Variants in NGEF observed in about 807,000 individuals in gnomAD.
NGEF encodes the protein neuronal guanine nucleotide exchange factor.
In NGEF, 31 loss-of-function variants were observed where a neutral mutation model predicts 80.9. The ratio of observed to expected loss-of-function variants is 0.38; its 90% CI spans 0.29 to 0.52. NGEF has a LOEUF of 0.52. Ranked by LOEUF, NGEF falls within the 20% of genes least tolerant of loss-of-function variation. NGEF has a pLI of 0.84. For missense variants in NGEF, 709 were observed against 926.2 expected (o/e 0.77, Z 3.04); for synonymous variants, 371 against 370.2 (o/e 1.00, Z -0.03).
At chr2:232,912,094 G>GA (rs1692700839) in intron 5 of NGEF, among the ~76,000 whole-genome samples, 1 of 152,178 alleles carries the variant, frequency 6.6e-6, no homozygotes, top group Non-Finnish European at 1.5e-5. Context: ...AATCTTAGGG[G>GA]AAAAGCATTC....
intron 1 of NGEF, among the ~76,000 whole-genome samples, chr2:233,004,094 C>A (rs56333833): frequency 6.6e-6 from 1 of 152,148 alleles, no homozygotes; most frequent in African/African-American, 2.4e-5. Context: ...TGATCTCTGT[C>A]ACGATCATGT....
intron 3 of NGEF, among the ~76,000 whole-genome samples, chr2:232,938,219 G>A (rs896543294): frequency 1.3e-5 from 2 of 152,146 alleles, no homozygotes; most frequent in Non-Finnish European, 2.9e-5. Flanking sequence ...GGCATAAGAG[G>A]CAGCCTGGAG....
chr2:232,964,521 C>A (rs1365916105), intron 3 of NGEF, among the ~76,000 whole-genome samples: 1 of 152,138 alleles, frequency 6.6e-6, no homozygotes, highest in Non-Finnish European at 1.5e-5. Flanking sequence ...GGTGAAACAC[C>A]TGTCTCTACT....
At chr2:233,002,995 GCA>G (rs1299018072) in intron 1 of NGEF, among the ~76,000 whole-genome samples, 4 of 152,198 alleles carry the variant, frequency 2.6e-5, no homozygotes, top group Non-Finnish European at 5.9e-5. Context: ...GAAAGGGGGT[GCA>G]GAGTGTGTGT....
In NGEF at chr2:232,881,198, C is replaced by T; in HGVS notation, c.1890G>A (p.Glu630=). ...VHPYVAQQPD[E]LTLELADILN... Reference sequence around the variant, plus strand: ...GGATGTCGGCGAGCTCCAGCGTCAGCTCGTCTGGCTGCTGAGCCACGTATG... The same window carrying T: ...GGATGTCGGCGAGCTCCAGCGTCAGTTCGTCTGGCTGCTGAGCCACGTATG... The change falls in exon 14 of 15, where the codon GAG becomes GAA. Residue 630 remains glutamate, a synonymous_variant. Transcript: ENST00000264051. 1 of 1,611,672 alleles carries T rather than the reference C, an allele frequency of 6.2e-7. No individual in the cohort carries two copies. Among genetic ancestry groups the T allele is most frequent in the South Asian group, 1.1e-5 (1 of 91,084 alleles).
At chr2:232,975,993 G>A (rs1694284410) in intron 1 of NGEF, among the ~76,000 whole-genome samples, 2 of 152,158 alleles carry the variant, frequency 1.3e-5, no homozygotes, top group African/African-American at 2.4e-5. Context: ...CTGAGGCCAG[G>A]AGTTCAAGAT....
chr2:232,931,773 G>C (rs1227866759), intron 3 of NGEF, among the ~76,000 whole-genome samples: 1 of 152,214 alleles, frequency 6.6e-6, no homozygotes, highest in African/African-American at 2.4e-5. Flanking sequence ...GATCCTGCAG[G>C]ACTGGACATA....
chr2:232,899,187 ATG>A (rs1390504476), intron 5 of NGEF, among the ~76,000 whole-genome samples: 3 of 151,404 alleles, frequency 2.0e-5, no homozygotes, highest in African/African-American at 4.9e-5. Flanking sequence ...GTGAGTGTGA[ATG>A]TGTGTGAATG....
At chr2:232,954,124 G>T (rs1208851312) in intron 3 of NGEF, among the ~76,000 whole-genome samples, 1 of 152,160 alleles carries the variant, frequency 6.6e-6, no homozygotes, top group Non-Finnish European at 1.5e-5. Flanking sequence ...GCAGTTCAGG[G>T]TGTGCACTGT....
chr2:233,000,442 C>A (rs1164566823), intron 1 of NGEF, among the ~76,000 whole-genome samples: 1 of 152,032 alleles, frequency 6.6e-6, no homozygotes, highest in African/African-American at 2.4e-5. Flanking sequence ...GGGGCCCCAC[C>A]CTCATGGCCT....
chr2:232,992,575 GAAGAA>G, intron 1 of NGEF, among the ~76,000 whole-genome samples: 1 of 151,918 alleles, frequency 6.6e-6, no homozygotes, highest in South Asian at 2.1e-4. Flanking sequence ...AAAAAAAGAA[GAAGAA>G]AAGAAAATTC....
At chr2:232,954,473 C>G (rs1693754274) in intron 3 of NGEF, among the ~76,000 whole-genome samples, 1 of 152,124 alleles carries the variant, frequency 6.6e-6, no homozygotes, top group Non-Finnish European at 1.5e-5. Flanking sequence ...CACCTGTAAT[C>G]CCAGCATTTT....
chr2:232,883,612 G>C (rs1419194665), intron 11 of NGEF, 146 bp from the exon 12 acceptor site: 2 of 886,436 alleles, frequency 2.3e-6, no homozygotes, highest in African/African-American at 3.4e-5. Context: ...CTGAACGCCT[G>C]TCTCCCGCAC....
At chr2:232,952,286 G>A (rs1256333255) in intron 3 of NGEF, among the ~76,000 whole-genome samples, 4 of 152,252 alleles carry the variant, frequency 2.6e-5, no homozygotes, top group Non-Finnish European at 5.9e-5. Flanking sequence ...AGGAAATTCA[G>A]ACTCCAACAG....
chr2:232,882,641 C>T (rs1691541845), intron 12 of NGEF, among the ~76,000 whole-genome samples: 1 of 152,242 alleles, frequency 6.6e-6, no homozygotes, highest in African/African-American at 2.4e-5. Context: ...CCCTGGTCCA[C>T]GTCAGCTGCA....
In NGEF at chr2:232,982,545, C is replaced by A. The variant is rs114623733; in HGVS notation, c.-74-7581G>T. 7.0e-3 allele frequency among the ~76,000 whole-genome samples: 1,061 copies of A among 152,254 alleles called. 5 individuals are homozygous for A. The highest frequency in any genetic ancestry group is 0.012 in the Non-Finnish European group (811 of 68,004). On this transcript the variant is annotated intron_variant, in intron 1 of 14. Transcript: ENST00000264051. ...GCCTTTTTTTTGAGACAGAATTTTG[C>A]TCTTGTCACCCAAGCTGGAGTGCAG... is the stretch of plus-strand genomic sequence containing the variant.
At chr2:232,945,544 G>C (rs1485256099) in intron 3 of NGEF, among the ~76,000 whole-genome samples, 1 of 152,140 alleles carries the variant, frequency 6.6e-6, no homozygotes, top group Non-Finnish European at 1.5e-5. Flanking sequence ...GAAGAGCTTG[G>C]GGTGAGGCAT....
chr2:232,885,352 G>A lies in NGEF; in HGVS notation c.1365C>T (p.Asn455=), dbSNP rs1691643649. The A allele has an allele frequency of 3.1e-6, 5 of 1,613,942 alleles. No individual in the cohort carries two copies. Among genetic ancestry groups the A allele is most frequent in the East Asian group, 2.2e-5 (1 of 44,882 alleles). The part of the protein sequence containing the change: ...KELEMVVKAC[N]EGVRKMSRTE... The stretch of plus-strand genomic sequence containing the variant: ...TGCGGCTCATTTTCCTGACGCCCTC[G>A]TTGCATGCCTTCACCACCTGGGACA... Residue 455 remains asparagine (N), a synonymous_variant, in exon 10 of 15, where the codon AAC becomes AAT. Coordinates refer to ENST00000264051, the MANE Select transcript of NGEF (RefSeq NM_019850.3).
intron 9 of NGEF, 65 bp from the exon 10 acceptor site, chr2:232,885,434 C>G: frequency 7.2e-7 from 1 of 1,386,538 alleles, no homozygotes; most frequent in Non-Finnish European, 1.0e-6. Flanking sequence ...TCCTCCAGCT[C>G]GGTCAGGCCA....
Sources: gnomAD v4.1 joint callset for allele counts (sites outside exome capture counted in the v4.1 genomes callset) on GRCh38, gnomAD v4.1.1 for gene constraint, MANE v1.5 for transcripts, NCBI Gene and HGNC (gene_info 2026-07-23, HGNC 2026-07-21) for gene names.